ZNF730: variants seen among roughly 807,000 people sequenced by gnomAD.
ZNF730 encodes the protein zinc finger protein 730, also known as putative zinc finger protein 730.
ZNF730 carries 12 observed loss-of-function variants against 12.6 expected under a neutral mutation model. That is an observed-to-expected ratio of 0.95 (90% CI 0.61 to 1.54). The LOEUF (loss-of-function observed/expected upper bound fraction) is 1.54, where lower values mean the gene tolerates loss of function less well. Among genes scored for constraint, ZNF730 ranks in the 40% most tolerant of loss-of-function variants. The probability of loss-of-function intolerance (pLI) is 0.00; values close to 1 mark genes in which losing one functional copy is unlikely to be tolerated. For synonymous variants in ZNF730, 194 were observed against 195.8 expected (o/e 0.99, Z 0.08); for missense variants, 643 against 583.5 (o/e 1.10, Z -1.05).
chr19:23,146,458 A>T lies in ZNF730; in HGVS notation c.1414A>T (p.Ile472Leu). 6.2e-7 allele frequency: 1 copy of T among 1,610,514 alleles called. No homozygotes were observed. The highest frequency in any genetic ancestry group is 1.1e-5 in the South Asian group (1 of 90,782). ...GTCCTCAACCCTCACTACACATAAG[A>T]TAATTCATTCTGGGGAAAAAATCTA... ...NRSSTLTTHK[I>L]IHSGEKIYKC... Residue 472 changes from isoleucine to leucine, a missense_variant, in exon 4 of 4, where the codon ATA becomes TTA. Ile to Leu is a conservative substitution (Grantham distance 5). Transcript: ENST00000597761.
intron 1 of ZNF730, among the ~76,000 whole-genome samples, chr19:23,105,010 C>T (rs1163690060): frequency 2.0e-5 from 3 of 152,098 alleles, no homozygotes; most frequent in Non-Finnish European, 2.9e-5. Context: ...ATCTAAAAGG[C>T]CTATGTAGAG....
intron 1 of ZNF730, among the ~76,000 whole-genome samples, chr19:23,076,846 A>T (rs1969870468): frequency 6.6e-6 from 1 of 152,220 alleles, no homozygotes; most frequent in Non-Finnish European, 1.5e-5. Flanking sequence ...GTATATACCC[A>T]AAATAATATA....
At chr19:23,104,619 GTTGT>G (rs1970371079) in intron 1 of ZNF730, among the ~76,000 whole-genome samples, 2 of 152,126 alleles carry the variant, frequency 1.3e-5, no homozygotes, top group Admixed American at 1.3e-4. Flanking sequence ...TGGCAATATA[GTTGT>G]TTGTATGAGT....
At chr19:23,140,683 G>T (rs1440380413) in intron 3 of ZNF730, among the ~76,000 whole-genome samples, 1 of 151,880 alleles carries the variant, frequency 6.6e-6, no homozygotes, top group Non-Finnish European at 1.5e-5. Flanking sequence ...GCCGGGCGTG[G>T]TGGCTCACGT....
chr19:23,096,142 T>C (rs1289736788), intron 1 of ZNF730, among the ~76,000 whole-genome samples: 2 of 152,158 alleles, frequency 1.3e-5, no homozygotes, highest in African/African-American at 4.8e-5. Context: ...TTGTGTCATA[T>C]CTGTGAGACC....
chr19:23,078,072 T>A (rs1418840379), intron 1 of ZNF730, among the ~76,000 whole-genome samples: 1 of 152,150 alleles, frequency 6.6e-6, no homozygotes, highest in African/African-American at 2.4e-5. Context: ...AAGCCAGGTA[T>A]TGTCCAAGGT....
rs144376903 is a variant in ZNF730 at position 23,117,209 on chromosome 19, G to C, written c.3+33G>C. The C allele has an allele frequency of 5.5e-4, 894 of 1,613,742 alleles. 8 individuals are homozygous for C. The African/African-American group carries it at 0.011, about 19-fold the overall frequency. ...TGCCGGTCCGACATCCCGAGAGAGG[G>C]AACGGGGCTGGTTGGAACCGGTGGG... On this transcript the variant is annotated intron_variant, in intron 1 of 3. Transcript: ENST00000597761.
chr19:23,116,353 C>G (rs1226396809), upstream of ZNF730, among the ~76,000 whole-genome samples: 1 of 135,812 alleles, frequency 7.4e-6, no homozygotes, highest in Non-Finnish European at 1.6e-5. Flanking sequence ...TTCCTTATTT[C>G]TTTTCTTTCT....
intron 2 of ZNF730, among the ~76,000 whole-genome samples, chr19:23,134,963 C>T (rs1365897733): frequency 1.2e-5 from 1 of 82,886 alleles, no homozygotes; most frequent in African/African-American, 4.7e-5. Flanking sequence ...GCTGTGTCCA[C>T]TCAGGGTTAA....
chr19:23,131,648 T>C (rs1970744050), intron 1 of ZNF730, among the ~76,000 whole-genome samples: 1 of 152,230 alleles, frequency 6.6e-6, no homozygotes, highest in Admixed American at 6.5e-5. Flanking sequence ...ATGAACTCTG[T>C]GCTGTGCCTG....
intron 1 of ZNF730, among the ~76,000 whole-genome samples, chr19:23,086,792 T>A (rs538166717): frequency 1.3e-5 from 2 of 152,338 alleles, no homozygotes; most frequent in African/African-American, 4.8e-5. Flanking sequence ...GAAAGTTTCA[T>A]ATGAATTTTA....
chr19:23,139,632 C>T (rs2145685655), intron 3 of ZNF730, among the ~76,000 whole-genome samples: 1 of 152,278 alleles, frequency 6.6e-6, no homozygotes, highest in East Asian at 1.9e-4. Context: ...TCAAGCAATT[C>T]TCCTGTCTCA....
intron 1 of ZNF730, among the ~76,000 whole-genome samples, chr19:23,087,373 A>C (rs1970081088): frequency 6.6e-6 from 1 of 152,040 alleles, no homozygotes; most frequent in Non-Finnish European, 1.5e-5. Flanking sequence ...GCACCACTGC[A>C]CTCCAGCCTG....
intron 1 of ZNF730, among the ~76,000 whole-genome samples, chr19:23,129,776 G>A (rs113772557): frequency 0.012 from 1,829 of 151,972 alleles, 27 homozygotes; most frequent in Non-Finnish European, 0.02. Flanking sequence ...GGTGGATCAC[G>A]AGGCCAGGAG....
intron 1 of ZNF730, chr19:23,123,823 C>G (rs2145617873): frequency 6.5e-6 from 1 of 154,552 alleles, no homozygotes; most frequent in Admixed American, 6.5e-5. Flanking sequence ...CTGTTTTTCT[C>G]TCCAATGCTT....
chr19:23,142,031 T>C (rs980293804), intron 3 of ZNF730, among the ~76,000 whole-genome samples: 1 of 152,294 alleles, frequency 6.6e-6, no homozygotes, highest in Middle Eastern at 3.4e-3. Context: ...GTGAGAGATA[T>C]ATATACTCAC....
intron 1 of ZNF730, among the ~76,000 whole-genome samples, chr19:23,085,836 CTTTTTTTTTTTT>C (rs556123915): frequency 6.6e-4 from 36 of 54,858 alleles, no homozygotes; most frequent in South Asian, 8.3e-4. Flanking sequence ...ATTTTTTTTT[CTTTTTTTTTTTT>C]TTTTTTTTTT....
At chr19:23,110,159 G>T (rs1373362690) in intron 1 of ZNF730, among the ~76,000 whole-genome samples, 1 of 127,698 alleles carries the variant, frequency 7.8e-6, no homozygotes, top group Non-Finnish European at 1.7e-5. Context: ...TAGAGAAGGG[G>T]TTTCACCATG....
intron 1 of ZNF730, among the ~76,000 whole-genome samples, chr19:23,079,299 A>G (rs1969923250): frequency 6.6e-6 from 1 of 152,088 alleles, no homozygotes; most frequent in African/African-American, 2.4e-5. Flanking sequence ...CTAGGATTAC[A>G]GGCATGCGCC....
Sources: allele counts gnomAD v4.1 joint callset (sites outside exome capture counted in the v4.1 genomes callset), GRCh38; gene constraint gnomAD v4.1.1; transcripts MANE v1.5; gene names NCBI Gene and HGNC (gene_info 2026-07-23, HGNC 2026-07-21).